SHISAL1: variants seen among roughly 807,000 people sequenced by gnomAD.
SHISAL1 encodes shisa like 1.
A neutral mutation model predicts 22.6 loss-of-function variants in SHISAL1; 9 were observed. The ratio of observed to expected loss-of-function variants is 0.40; its 90% CI spans 0.24 to 0.70. SHISAL1 has a LOEUF of 0.70. Among genes scored for constraint, SHISAL1 ranks in the 30% least tolerant of loss-of-function variants. The pLI is 0.39. For synonymous variants in SHISAL1, 119 were observed against 115.4 expected (o/e 1.03, Z -0.20); for missense variants, 246 against 270.6 (o/e 0.91, Z 0.64).
At chr22:44,265,355 A>G (rs1329740066) in intron 4 of SHISAL1, among the ~76,000 whole-genome samples, 1 of 152,126 alleles carries the variant, frequency 6.6e-6, no homozygotes, top group East Asian at 1.9e-4. Flanking sequence ...TTGGGCAGTC[A>G]GCTGTCATGC....
At chr22:44,298,581 G>A (rs1451575816) in intron 2 of SHISAL1, among the ~76,000 whole-genome samples, 2 of 152,230 alleles carry the variant, frequency 1.3e-5, no homozygotes, top group African/African-American at 4.8e-5. Flanking sequence ...CAGTGCGTGG[G>A]CAGCTGGGGA....
At chr22:44,253,112 T>C (rs952092843) in intron 4 of SHISAL1, among the ~76,000 whole-genome samples, 24 of 152,236 alleles carry the variant, frequency 1.6e-4, no homozygotes, top group Admixed American at 1.1e-3. Flanking sequence ...AACTGTATAC[T>C]TTAAAAATGG....
At chr22:44,281,005 A>T (rs1254046804) in intron 4 of SHISAL1, among the ~76,000 whole-genome samples, 2 of 152,166 alleles carry the variant, frequency 1.3e-5, no homozygotes, top group African/African-American at 4.8e-5. Context: ...TGTGGCAGGA[A>T]CGTGGCAACA....
At chr22:44,297,807 A>G (rs909075122) in intron 2 of SHISAL1, among the ~76,000 whole-genome samples, 7 of 152,274 alleles carry the variant, frequency 4.6e-5, no homozygotes, top group African/African-American at 9.6e-5. Context: ...TCTAATTTGT[A>G]TCACTGAAAA....
chr22:44,273,580 G>A (rs1490139265), intron 4 of SHISAL1, among the ~76,000 whole-genome samples: 1 of 152,202 alleles, frequency 6.6e-6, no homozygotes, highest in African/African-American at 2.4e-5. Flanking sequence ...GTGTGATGCA[G>A]CCCCATCTCA....
chr22:44,294,418 A>C (rs1320024347), intron 3 of SHISAL1, among the ~76,000 whole-genome samples: 1 of 152,128 alleles, frequency 6.6e-6, no homozygotes, highest in Non-Finnish European at 1.5e-5. Context: ...CGAGGCTCAC[A>C]CTTGCAACCC....
chr22:44,278,100 G>A (rs1008060930), intron 4 of SHISAL1, among the ~76,000 whole-genome samples: 1 of 152,178 alleles, frequency 6.6e-6, no homozygotes, highest in African/African-American at 2.4e-5. Flanking sequence ...AGTGGGCTGG[G>A]GAAGGCAAAC....
intron 4 of SHISAL1, among the ~76,000 whole-genome samples, chr22:44,264,544 G>T (rs779107588): frequency 6.6e-6 from 1 of 152,130 alleles, no homozygotes; most frequent in Non-Finnish European, 1.5e-5. Flanking sequence ...GGCACAGGTG[G>T]GGTGTCCTGA....
At chr22:44,329,883 G>A in the SHISAL1 span, among the ~76,000 whole-genome samples, 1 of 152,180 alleles carries the variant, frequency 6.6e-6, no homozygotes, top group East Asian at 1.9e-4. Context: ...CCTACCAGTA[G>A]GTGAAAAGTC....
chr22:44,305,399 G>T (rs563588252), intron 1 of SHISAL1, among the ~76,000 whole-genome samples: 14 of 152,330 alleles, frequency 9.2e-5, no homozygotes, highest in African/African-American at 3.4e-4. Context: ...GTCCTGGCCA[G>T]GGCTGGCCCT....
intron 2 of SHISAL1, among the ~76,000 whole-genome samples, chr22:44,298,285 G>A (rs1222615523): frequency 2.0e-5 from 3 of 152,246 alleles, no homozygotes; most frequent in Non-Finnish European, 2.9e-5. Flanking sequence ...ATCGTACAGG[G>A]GAGAAAACTG....
chr22:44,269,491 C>G (rs1258810384), intron 4 of SHISAL1, among the ~76,000 whole-genome samples: 2 of 137,066 alleles, frequency 1.5e-5, no homozygotes, highest in Non-Finnish European at 3.1e-5. Flanking sequence ...CACACACACA[C>G]ACTCCATGCC....
At chr22:44,271,950 G>T (rs1022395853) in intron 4 of SHISAL1, among the ~76,000 whole-genome samples, 2 of 152,192 alleles carry the variant, frequency 1.3e-5, no homozygotes, top group Admixed American at 6.5e-5. Context: ...AATTACTCAC[G>T]CAAGCTGGCA....
chr22:44,320,396 G>T, the SHISAL1 span, among the ~76,000 whole-genome samples: 31,758 of 152,208 alleles, frequency 0.21, 3,729 homozygotes, highest in African/African-American at 0.32. Flanking sequence ...GGGGATAAGT[G>T]GGCCAGGCCG....
At chr22:44,276,659 C>G (rs1180348808) in intron 4 of SHISAL1, among the ~76,000 whole-genome samples, 3 of 151,966 alleles carry the variant, frequency 2.0e-5, no homozygotes, top group Non-Finnish European at 2.9e-5. Flanking sequence ...TGGTGGGAGG[C>G]AGCGGGGATG....
intron 4 of SHISAL1, among the ~76,000 whole-genome samples, chr22:44,269,224 C>T (rs1353598405): frequency 1.3e-5 from 2 of 149,702 alleles, no homozygotes; most frequent in East Asian, 2.0e-4. Flanking sequence ...ACACACACCA[C>T]GCCACACAGA....
In SHISAL1 at chr22:44,284,233, TCCAAAGAGGAGGCAGCAA is replaced by T. The variant is rs146193624; in HGVS notation, c.599+1177_599+1194del. On this transcript the variant is annotated intron_variant, in intron 4 of 4. Transcript: ENST00000381176. ...ATCACTAACTCACGTCATTGCTGCCTCCAAAGAGGAGGCAGCAAGGATTAACTGAGGACCTACTATGTG... is the reference window on the plus strand; with the variant it reads ...ATCACTAACTCACGTCATTGCTGCCTGGATTAACTGAGGACCTACTATGTG... 1.5e-3 allele frequency among the ~76,000 whole-genome samples: 226 copies of T among 152,156 alleles called. 5 individuals are homozygous for T. In the East Asian group the frequency reaches 0.039, roughly 26 times the overall value.
chr22:44,322,136 T>C, the SHISAL1 span, among the ~76,000 whole-genome samples: 1 of 152,236 alleles, frequency 6.6e-6, no homozygotes, highest in African/African-American at 2.4e-5. Context: ...AGTGGCTGCG[T>C]GCCCTTGGGG....
At chr22:44,323,624 C>T in the SHISAL1 span, among the ~76,000 whole-genome samples, 2 of 147,944 alleles carry the variant, frequency 1.4e-5, no homozygotes, top group African/African-American at 5.0e-5. Flanking sequence ...ATTCATCCAT[C>T]CATGCATCCA....
Sources: gnomAD v4.1 joint callset for allele counts (sites outside exome capture counted in the v4.1 genomes callset) on GRCh38, gnomAD v4.1.1 for gene constraint, MANE v1.5 for transcripts, NCBI Gene and HGNC (gene_info 2026-07-23, HGNC 2026-07-21) for gene names.